Variants in CNTNAP2 observed in about 807,000 individuals in gnomAD.
CNTNAP2 encodes contactin associated protein 2.
Under a neutral mutation model 155.2 loss-of-function variants are expected in CNTNAP2, and 98 were observed. That is an observed-to-expected ratio of 0.63 (90% CI 0.54 to 0.75). The LOEUF is 0.75. Among genes scored for constraint, CNTNAP2 ranks in the 30% least tolerant of loss-of-function variants. CNTNAP2 has a pLI of 0.00. For synonymous variants in CNTNAP2, 651 were observed against 631.2 expected, an observed-to-expected ratio of 1.03 and a Z score of -0.47; for missense variants, 1,727 against 1,688.1, an observed-to-expected ratio of 1.02 and a Z score of -0.40.
At chr7:147,832,142 T>C (rs977971252) in intron 13 of CNTNAP2, among the ~76,000 whole-genome samples, 1 of 147,422 alleles carries the variant, frequency 6.8e-6, no homozygotes, top group Non-Finnish European at 1.5e-5. Context: ...TTTATATTTT[T>C]AAATAAATAT....
intron 1 of CNTNAP2, among the ~76,000 whole-genome samples, chr7:146,400,282 GA>G (rs1795695364): frequency 2.0e-5 from 3 of 151,004 alleles, no homozygotes; most frequent in East Asian, 3.9e-4. Flanking sequence ...AAAAAAATAT[GA>G]AAAAAAGGAG....
intron 1 of CNTNAP2, among the ~76,000 whole-genome samples, chr7:146,669,864 G>T (rs543399979): frequency 2.0e-5 from 3 of 147,672 alleles, no homozygotes; most frequent in Admixed American, 6.7e-5. Flanking sequence ...TAATTTAACC[G>T]TTTTTTCATG....
chr7:147,091,618 A>T (rs1291429731), intron 4 of CNTNAP2, among the ~76,000 whole-genome samples: 5 of 137,850 alleles, frequency 3.6e-5, no homozygotes, highest in East Asian at 2.2e-4. Context: ...CACCCAGCTA[A>T]TTTTTTTTTT....
rs554521251 is a variant in CNTNAP2 at position 147,126,410 on chromosome 7, C to T, written c.940-2283C>T. Among the ~76,000 whole-genome samples, 7 of 152,240 alleles carry T rather than the reference C, an allele frequency of 4.6e-5. No individual in the cohort carries two copies. The East Asian group carries it at 7.7e-4, about 17-fold the overall frequency. Reference sequence around the variant, plus strand: ...CAACAATATTTGTTACTATCAGCTTCGTTAAAGTGTCAGAAAATATTCTGT... The same window carrying T: ...CAACAATATTTGTTACTATCAGCTTTGTTAAAGTGTCAGAAAATATTCTGT... On this transcript the variant is annotated intron_variant, in intron 6 of 23. Transcript: ENST00000361727.
intron 3 of CNTNAP2, among the ~76,000 whole-genome samples, chr7:146,910,796 T>C (rs1260776196): frequency 6.8e-6 from 1 of 147,860 alleles, no homozygotes; most frequent in Non-Finnish European, 1.5e-5. Context: ...AAAGCCAAAA[T>C]TGACAAATGG....
At chr7:147,519,272 C>A (rs188161694) in intron 11 of CNTNAP2, among the ~76,000 whole-genome samples, 1 of 152,024 alleles carries the variant, frequency 6.6e-6, no homozygotes, top group Non-Finnish European at 1.5e-5. Flanking sequence ...GGGCACTGGC[C>A]GTCATCTTCA....
intron 8 of CNTNAP2, among the ~76,000 whole-genome samples, chr7:147,298,056 T>A (rs1584854683): frequency 6.6e-6 from 1 of 152,238 alleles, no homozygotes; most frequent in African/African-American, 2.4e-5. Context: ...ACTTGTATGC[T>A]AAATTTTATA....
intron 11 of CNTNAP2, among the ~76,000 whole-genome samples, chr7:147,494,507 T>C (rs1340418698): frequency 2.0e-5 from 3 of 148,214 alleles, no homozygotes; most frequent in Non-Finnish European, 4.4e-5. Flanking sequence ...AAATGCATAT[T>C]GAAAAGCAGT....
intron 12 of CNTNAP2, among the ~76,000 whole-genome samples, chr7:147,627,757 C>G (rs1795013485): frequency 1.4e-5 from 2 of 142,482 alleles, no homozygotes; most frequent in Non-Finnish European, 1.5e-5. Flanking sequence ...AAATTCTCCA[C>G]ATAAATAGAT....
intron 4 of CNTNAP2, among the ~76,000 whole-genome samples, chr7:147,071,345 A>T (rs1199661432): frequency 6.6e-6 from 1 of 151,470 alleles, no homozygotes; most frequent in African/African-American, 2.4e-5. Context: ...AAAAAGATGT[A>T]TACATTCCTC....
intron 3 of CNTNAP2, among the ~76,000 whole-genome samples, chr7:146,907,834 T>C (rs941294081): frequency 1.3e-5 from 2 of 152,038 alleles, no homozygotes; most frequent in Non-Finnish European, 2.9e-5. Context: ...CTAAATGCTC[T>C]AATTAAAAGA....
intron 9 of CNTNAP2, among the ~76,000 whole-genome samples, chr7:147,325,899 C>T (rs1795445611): frequency 6.6e-6 from 1 of 152,126 alleles, no homozygotes; most frequent in Non-Finnish European, 1.5e-5. Context: ...CTCCTCCAGC[C>T]TCCAGCCTCC....
chr7:147,452,475 T>A (rs1797849164), intron 10 of CNTNAP2, among the ~76,000 whole-genome samples: 1 of 152,174 alleles, frequency 6.6e-6, no homozygotes, highest in African/African-American at 2.4e-5. Flanking sequence ...CCTAGGGCAT[T>A]TCTTTAAATC....
At position 147,666,210 on chromosome 7, in the gene CNTNAP2, G is replaced by A. The variant is rs886973681; in HGVS notation, c.2098+26904G>A. 9.9e-5 allele frequency among the ~76,000 whole-genome samples: 15 copies of A among 152,140 alleles called. 1 individual carries two copies. The highest frequency in any genetic ancestry group is 2.4e-4 in the African/African-American group (10 of 41,438). ...AAAGAAGACTAATAACATTTCCAGC[G>A]TTAGTCGGTTAGACCTTTCCTTTGT... On this transcript the variant is annotated intron_variant, in intron 13 of 23. Coordinates refer to ENST00000361727, the MANE Select transcript of CNTNAP2 (RefSeq NM_014141.6).
intron 2 of CNTNAP2, among the ~76,000 whole-genome samples, chr7:146,808,255 T>C (rs939135183): frequency 2.6e-5 from 4 of 152,240 alleles, no homozygotes; most frequent in African/African-American, 9.6e-5. Context: ...TAGCATTATA[T>C]GTTTCAAATA....
At chr7:147,366,779 ACG>A (rs879579319) in intron 9 of CNTNAP2, among the ~76,000 whole-genome samples, 1,436 of 49,208 alleles carry the variant, frequency 0.029, 7 homozygotes, top group Non-Finnish European at 0.048. Context: ...AATTTGTTGC[ACG>A]CACACACACA....
chr7:146,991,501 TATG>T (rs1327922972), intron 3 of CNTNAP2, among the ~76,000 whole-genome samples: 1 of 152,100 alleles, frequency 6.6e-6, no homozygotes. Context: ...CACCTTGAAA[TATG>T]ATGAAATGTT....
chr7:147,930,162 G>A (rs1800473164), intron 14 of CNTNAP2, among the ~76,000 whole-genome samples: 1 of 151,662 alleles, frequency 6.6e-6, no homozygotes, highest in Admixed American at 6.6e-5. Context: ...GGAGAAATGG[G>A]ACAAAATAAA....
At chr7:146,860,051 G>A (rs10271275) in intron 3 of CNTNAP2, among the ~76,000 whole-genome samples, 55,816 of 151,950 alleles carry the variant, frequency 0.37, 10,817 homozygotes, top group African/African-American at 0.5. Context: ...TTTAAATAGA[G>A]TGGTAAAAAC....
Sources: allele counts gnomAD v4.1 joint callset (sites outside exome capture counted in the v4.1 genomes callset), GRCh38; gene constraint gnomAD v4.1.1; transcripts MANE v1.5; gene names NCBI Gene and HGNC (gene_info 2026-07-23, HGNC 2026-07-21).